RASGRF1: variants seen among roughly 807,000 people sequenced by gnomAD.
RASGRF1 encodes the protein ras-specific guanine nucleotide-releasing factor 1.
Under a neutral mutation model 138.7 loss-of-function variants are expected in RASGRF1, and 40 were observed. That is an observed-to-expected ratio of 0.29 (90% CI 0.22 to 0.38). The LOEUF (loss-of-function observed/expected upper bound fraction) is 0.38, where lower values mean the gene tolerates loss of function less well. Ranked by LOEUF, RASGRF1 falls within the 10% of genes least tolerant of loss-of-function variation. RASGRF1 has a pLI of 1.00. For synonymous variants in RASGRF1, 614 were observed against 663.2 expected (o/e 0.93, Z 1.14); for missense variants, 1,108 against 1,650.4 (o/e 0.67, Z 5.69).
At chr15:78,969,836 G>C (rs1482178936) in intron 26 of RASGRF1, among the ~76,000 whole-genome samples, 1 of 151,950 alleles carries the variant, frequency 6.6e-6, no homozygotes, top group Admixed American at 6.6e-5. Flanking sequence ...ACACAAGCTC[G>C]TGAGGGCCAA....
intron 1 of RASGRF1, among the ~76,000 whole-genome samples, chr15:79,089,812 G>A (rs954883926): frequency 8.5e-5 from 13 of 152,240 alleles, no homozygotes; most frequent in Non-Finnish European, 1.8e-4. Context: ...ACACGTTCCC[G>A]GTGTAGAACA....
At chr15:79,044,890 A>C (rs145737474) in intron 5 of RASGRF1, among the ~76,000 whole-genome samples, 10 of 152,322 alleles carry the variant, frequency 6.6e-5, no homozygotes, top group African/African-American at 1.9e-4. Flanking sequence ...GTGAGCTGGC[A>C]TGAATATTCT....
intron 12 of RASGRF1, among the ~76,000 whole-genome samples, chr15:79,017,357 T>C (rs2056893395): frequency 6.6e-6 from 1 of 152,232 alleles, no homozygotes; most frequent in Non-Finnish European, 1.5e-5. Context: ...TGAACATTAT[T>C]ACATCTAATA....
At position 78,960,790 on chromosome 15, in the gene RASGRF1, A is replaced by T. The variant is rs577054921; in HGVS notation, c.*1354T>A. 1 of 152,326 alleles carries T rather than the reference A, an allele frequency of 6.6e-6. No homozygotes were observed. Among genetic ancestry groups the T allele is most frequent in the South Asian group, 2.1e-4 (1 of 4,824 alleles). 9.4% of individuals were successfully genotyped at this position (152,326 alleles called of 1,614,324 possible). Reference sequence around the variant, plus strand: ...CCCACCAAACTGTTGGTGCCTAAAAAGCAGGTATGGTGTCCTTGACACTCT... The same window carrying T: ...CCCACCAAACTGTTGGTGCCTAAAATGCAGGTATGGTGTCCTTGACACTCT... On this transcript the variant is annotated 3_prime_UTR_variant, in exon 27 of 27. Transcript: ENST00000558480.
At position 79,050,463 on chromosome 15, in the gene RASGRF1, G is replaced by C. The variant is rs1172660889; in HGVS notation, c.532-875C>G. On this transcript the variant is annotated intron_variant, in intron 3 of 26. Coordinates refer to ENST00000558480, the MANE Select transcript of RASGRF1 (RefSeq NM_001145648.3). This position sits in a 1 kb window ranked among gnomAD's most constrained non-coding sequence, Gnocchi z 4.1. ...ATTGTATCTGGATATAAATCAGATA[G>C]AGCAGGTGGCTCCGGGTGAAGTCCT... 1.3e-5 allele frequency among the ~76,000 whole-genome samples: 2 copies of C among 152,116 alleles called. No individual in the cohort carries two copies. Among genetic ancestry groups the C allele is most frequent in the African/African-American group, 2.4e-5 (1 of 41,408 alleles).
Position 79,090,364 on chromosome 15 carries a change from C to T in RASGRF1, c.135G>A (p.Ala45=). 26 of 1,613,862 alleles carry T rather than the reference C, an allele frequency of 1.6e-5. No individual in the cohort carries two copies. The highest frequency in any genetic ancestry group is 2.1e-5 in the Non-Finnish European group (25 of 1,179,998). ...DNTKWQTKWF[A]LLQNLLFYFE... ...AGTAGAAGAGCAGGTTCTGCAGCAG[C>T]GCGAACCACTTGGTTTGCCATTTTG... Residue 45 remains alanine (A), a synonymous_variant, in exon 1 of 27, where the codon GCG becomes GCA. Coordinates refer to ENST00000558480, the MANE Select transcript of RASGRF1 (RefSeq NM_001145648.3).
intron 22 of RASGRF1, chr15:78,985,812 C>T (rs1314639777): frequency 6.6e-6 from 1 of 151,076 alleles, no homozygotes; most frequent in Non-Finnish European, 1.5e-5. Context: ...GTAATCTCAG[C>T]TACTTGAAAA....
chr15:79,027,623 T>C lies in RASGRF1; in HGVS notation c.1381+118A>G, dbSNP rs1231401194. 4 of 801,630 alleles carry C rather than the reference T, an allele frequency of 5.0e-6. No individual in the cohort carries two copies. Among genetic ancestry groups the C allele is most frequent in the Admixed American group, 4.5e-5 (2 of 44,612 alleles). The allele number at this position is 801,630 out of a possible 1,614,324, so 49.7% of individuals were successfully genotyped here. A position where few individuals can be genotyped will look rare whatever the true frequency, so the allele number is the denominator to read the frequency against. The stretch of plus-strand genomic sequence containing the variant: ...AGCCTGGGAATATTCTGCAATCACA[T>C]TGGCAGGTCTTGGCATGTGGCAGCC... On this transcript the variant is annotated intron_variant, in intron 9 of 26. Transcript: ENST00000558480. The surrounding 1 kb of genome is among the most constrained non-coding windows in gnomAD (Gnocchi z 4.8).
At chr15:79,025,086 C>T (rs2057027436) in intron 10 of RASGRF1, among the ~76,000 whole-genome samples, 1 of 151,988 alleles carries the variant, frequency 6.6e-6, no homozygotes, top group Non-Finnish European at 1.5e-5. Flanking sequence ...AATCTGAAGC[C>T]CTCGATTCTC....
At position 79,046,805 on chromosome 15, in the gene RASGRF1, G is replaced by A. The variant is rs752778899; in HGVS notation, c.819C>T (p.Ala273=). Residue 273 remains alanine, a synonymous_variant, in exon 5 of 27, where the codon GCC becomes GCT. Coordinates refer to ENST00000558480, the MANE Select transcript of RASGRF1 (RefSeq NM_001145648.3). This position sits in a 1 kb window ranked among gnomAD's most constrained non-coding sequence, Gnocchi z 5.3. ...VNNFLRPLRM[A]ASSKKPPITH... ...TGATGGGAGGCTTCTTGGAGCTGGCGGCCATCCGCAGCGGGCGCAGGAAAT... is the reference window on the plus strand; with the variant it reads ...TGATGGGAGGCTTCTTGGAGCTGGCAGCCATCCGCAGCGGGCGCAGGAAAT... 2.0e-5 allele frequency: 33 copies of A among 1,614,104 alleles called. No individual in the cohort carries two copies. The highest frequency in any genetic ancestry group is 2.7e-5 in the African/African-American group (2 of 74,940).
chr15:79,078,216 T>C (rs1371198985), intron 1 of RASGRF1, among the ~76,000 whole-genome samples: 1 of 149,990 alleles, frequency 6.7e-6, no homozygotes, highest in Non-Finnish European at 1.5e-5. Context: ...CTTCCTTCCA[T>C]CTATATGGGG....
At chr15:79,033,936 C>T (rs2057182369) in intron 6 of RASGRF1, among the ~76,000 whole-genome samples, 1 of 152,174 alleles carries the variant, frequency 6.6e-6, no homozygotes, top group Admixed American at 6.5e-5. Flanking sequence ...ACATGGTTTC[C>T]TTGTAATCAA....
At position 78,972,027 on chromosome 15, in the gene RASGRF1, T is replaced by C. The variant is rs531352581; in HGVS notation, c.3613-93A>G. On this transcript the variant is annotated intron_variant, in intron 25 of 26. Coordinates refer to ENST00000558480, the MANE Select transcript of RASGRF1 (RefSeq NM_001145648.3). ...CTGAAGGGGCATCAACAACTAAATCTGAAGTCAGCCTCTTAATTCCATACA... is the reference window on the plus strand; with the variant it reads ...CTGAAGGGGCATCAACAACTAAATCCGAAGTCAGCCTCTTAATTCCATACA... The C allele has an allele frequency of 4.4e-4, 483 of 1,088,340 alleles. 6 individuals carry two copies. In the South Asian group the frequency reaches 5.7e-3, roughly 13 times the overall value. 67.4% of individuals were successfully genotyped at this position (1,088,340 alleles called of 1,614,324 possible).
chr15:79,028,796 A>C (rs1202476646), intron 8 of RASGRF1, among the ~76,000 whole-genome samples: 1 of 152,230 alleles, frequency 6.6e-6, no homozygotes, highest in African/African-American at 2.4e-5. Flanking sequence ...AAGGCTGGTT[A>C]ATATGTGCGG....
chr15:78,965,284 C>A (rs75897214), intron 26 of RASGRF1, among the ~76,000 whole-genome samples: 1,935 of 152,222 alleles, frequency 0.013, 35 homozygotes, highest in African/African-American at 0.045. Flanking sequence ...AGACCCACTG[C>A]CTTTAAATCC....
intron 22 of RASGRF1, among the ~76,000 whole-genome samples, chr15:78,987,748 G>A (rs1418032517): frequency 6.6e-6 from 1 of 152,032 alleles, no homozygotes. Context: ...AAAAACCCAA[G>A]AAGGAGACAC....
chr15:79,003,703 A>T, intron 15 of RASGRF1, 99 bp downstream of exon 15: 1 of 1,477,004 alleles, frequency 6.8e-7, no homozygotes, highest in Middle Eastern at 2.2e-4. Context: ...TTCCTTCCCC[A>T]TGGGAGCAGG....
At chr15:78,999,637 C>A in intron 17 of RASGRF1, 106 bp downstream of exon 17, 1 of 1,410,032 alleles carries the variant, frequency 7.1e-7, no homozygotes, top group Non-Finnish European at 9.7e-7. Flanking sequence ...CCTTAGCACA[C>A]CTTAAACACC....
At chr15:79,074,842 T>G (rs1347648068) in intron 1 of RASGRF1, among the ~76,000 whole-genome samples, 1 of 152,040 alleles carries the variant, frequency 6.6e-6, no homozygotes, top group African/African-American at 2.4e-5. Context: ...GGCCCAGAGC[T>G]CCACCTGGGG....
Sources: allele counts gnomAD v4.1 joint callset (sites outside exome capture counted in the v4.1 genomes callset), GRCh38; gene constraint gnomAD v4.1.1; non-coding constraint Gnocchi (gnomAD v3.1); transcripts MANE v1.5; gene names NCBI Gene and HGNC (gene_info 2026-07-23, HGNC 2026-07-21).